The following AREL1 variants were observed in gnomAD, a reference collection of about 807,000 sequenced individuals.
AREL1 encodes the protein apoptosis resistant E3 ubiquitin protein ligase 1.
A neutral mutation model predicts 99.0 loss-of-function variants in AREL1; 62 were observed. The observed-to-expected ratio is 0.63, with a 90% confidence interval of 0.51 to 0.77. AREL1 has a LOEUF of 0.77. Among genes scored for constraint, AREL1 ranks in the 30% least tolerant of loss-of-function variants. AREL1 has a pLI of 0.00. For synonymous variants in AREL1, 380 were observed against 376.5 expected (o/e 1.01, Z -0.11); for missense variants, 879 against 1,027.6 (o/e 0.86, Z 1.98).
chr14:74,700,209 T>G (rs548467990), intron 1 of AREL1, among the ~76,000 whole-genome samples: 107 of 152,390 alleles, frequency 7.0e-4, no homozygotes, highest in Non-Finnish European at 1.3e-3. Flanking sequence ...TATAAAGTGC[T>G]ACATCTATAT....
In AREL1 at chr14:74,676,660, G is replaced by C. The variant is rs910393595; in HGVS notation, c.574C>G (p.Arg192Gly). The C allele has an allele frequency of 1.2e-6, 2 of 1,614,076 alleles. No individual in the cohort carries two copies. The highest frequency in any genetic ancestry group is 1.7e-6 in the Non-Finnish European group (2 of 1,179,984). The change falls in exon 6 of 20, where the codon CGA becomes GGA. Residue 192 changes from arginine (R) to glycine (G), a missense_variant. Transcript: ENST00000356357. ...GQPHTLQIVPRDEYDNPTNNS... is the reference protein window; with the variant it reads ...GQPHTLQIVPGDEYDNPTNNS... The stretch of plus-strand genomic sequence containing the variant: ...TTGGTGGGATTATCATACTCATCTC[G>C]GGGTACTATTTGAAGGGTGTGCGGC...
At chr14:74,691,044 C>T (rs1286815105) in intron 2 of AREL1, 4 of 151,886 alleles carry the variant, frequency 2.6e-5, no homozygotes, top group African/African-American at 9.7e-5. Flanking sequence ...CCTAGCAGGG[C>T]ATGGCGGCTC....
Position 74,676,494 on chromosome 14 carries a change from AAGAG to A in AREL1, c.651+85_651+88del, listed in dbSNP as rs932640389. 1.8e-5 allele frequency: 26 copies of A among 1,477,616 alleles called. No individual in the cohort carries two copies. The East Asian group carries it at 5.7e-4, about 32-fold the overall frequency. 91.5% of individuals were successfully genotyped at this position (1,477,616 alleles called of 1,614,324 possible). The stretch of plus-strand genomic sequence containing the variant: ...ACAGCACAGAAGTCAAGGAGAAGGA[AAGAG>A]AGATCGAAGTGAATTAGGTGTGAGA... On this transcript the variant is annotated intron_variant, in intron 6 of 19. Coordinates refer to ENST00000356357, the MANE Select transcript of AREL1 (RefSeq NM_001039479.2).
chr14:74,671,268 GA>G (rs201169650), intron 12 of AREL1, 139 bp downstream of exon 12: 33 of 491,362 alleles, frequency 6.7e-5, no homozygotes, highest in Non-Finnish European at 9.3e-5. Flanking sequence ...TTTCCTTGGG[GA>G]AAAAAAAACC....
chr14:74,688,635 T>A (rs1298819191), intron 2 of AREL1, among the ~76,000 whole-genome samples: 1 of 152,120 alleles, frequency 6.6e-6, no homozygotes, highest in African/African-American at 2.4e-5. Flanking sequence ...GTTAGTTCTA[T>A]CAATTCATCA....
chr14:74,703,591 G>A (rs1317067975), intron 1 of AREL1, among the ~76,000 whole-genome samples: 1 of 152,226 alleles, frequency 6.6e-6, no homozygotes, highest in Non-Finnish European at 1.5e-5. Flanking sequence ...CACGCAAAAT[G>A]TAGTCCTTCG....
chr14:74,710,928 T>C (rs557520513), intron 1 of AREL1, among the ~76,000 whole-genome samples: 8 of 152,316 alleles, frequency 5.3e-5, no homozygotes, highest in South Asian at 2.1e-4. Flanking sequence ...AGTGCAACTA[T>C]GTTAAAATAA....
intron 1 of AREL1, among the ~76,000 whole-genome samples, chr14:74,703,928 G>A (rs573168728): frequency 4.6e-4 from 70 of 152,240 alleles, no homozygotes; most frequent in Non-Finnish European, 5.7e-4. Flanking sequence ...TTACCAAAGC[G>A]GCTGGACCAC....
At chr14:74,670,995 T>A (rs2089324390) in intron 12 of AREL1, 124 bp from the exon 13 acceptor site, 1 of 718,318 alleles carries the variant, frequency 1.4e-6, no homozygotes, top group African/African-American at 1.8e-5. Context: ...GTTTCTCCGT[T>A]GCGACTCATC....
intron 8 of AREL1, among the ~76,000 whole-genome samples, chr14:74,675,452 G>A (rs1386239064): frequency 6.6e-6 from 1 of 152,126 alleles, no homozygotes; most frequent in Non-Finnish European, 1.5e-5. Flanking sequence ...GCCTAATAGT[G>A]ACATCCATTT....
chr14:74,669,030 G>A (rs945662238), intron 15 of AREL1, among the ~76,000 whole-genome samples: 1 of 151,820 alleles, frequency 6.6e-6, no homozygotes, highest in African/African-American at 2.4e-5. Flanking sequence ...CCAGTAGCTA[G>A]GACCACAGGC....
chr14:74,711,377 A>G (rs963310572), intron 1 of AREL1, among the ~76,000 whole-genome samples: 3 of 151,392 alleles, frequency 2.0e-5, no homozygotes, highest in Non-Finnish European at 4.4e-5. Flanking sequence ...CATCTCTATT[A>G]AAAATACAAA....
intron 9 of AREL1, 92 bp from the exon 10 acceptor site, chr14:74,673,310 A>G (rs2089399063): frequency 2.3e-6 from 3 of 1,316,996 alleles, no homozygotes; most frequent in East Asian, 2.3e-5. Flanking sequence ...ACCAACAACA[A>G]TAAGTTAGGC....
chr14:74,703,712 T>C lies in AREL1; in HGVS notation c.-334+9221A>G, dbSNP rs115494409. ...AGAGTAGTACTCCATTAAATGGACA[T>C]ACTGCAATCTGTTTATCCATTCACC... is the stretch of plus-strand genomic sequence containing the variant. On this transcript the variant is annotated intron_variant, in intron 1 of 19. Coordinates refer to ENST00000356357, the MANE Select transcript of AREL1 (RefSeq NM_001039479.2). Among the ~76,000 whole-genome samples the C allele has an allele frequency of 8.2e-3, 1,246 of 152,362 alleles. 12 individuals are homozygous for C. Among genetic ancestry groups the C allele is most frequent in the African/African-American group, 0.028 (1,170 of 41,580 alleles).
At chr14:74,668,108 T>A (rs561173110) in intron 15 of AREL1, among the ~76,000 whole-genome samples, 1 of 152,360 alleles carries the variant, frequency 6.6e-6, no homozygotes, top group Admixed American at 6.5e-5. Context: ...ATCTCAGCCC[T>A]GATGCTAGCT....
rs1182402059 is a variant in AREL1 at position 74,661,271 on chromosome 14, A to ATT, written c.*2447_*2448dup. ...CACTCCTTAGTTCTTTTAAACATTT[A>ATT]TTTATCTACTGTACAAAATATTTAC... On this transcript the variant is annotated 3_prime_UTR_variant, in exon 20 of 20. Coordinates refer to ENST00000356357, the MANE Select transcript of AREL1 (RefSeq NM_001039479.2). 2 of 455,978 alleles carry ATT rather than the reference A, an allele frequency of 4.4e-6. No homozygotes were observed. Among genetic ancestry groups the ATT allele is most frequent in the Non-Finnish European group, 8.8e-6 (2 of 226,624 alleles). The allele number at this position is 455,978 out of a possible 1,614,324, so 28.2% of individuals were successfully genotyped here. A position where few individuals can be genotyped will look rare whatever the true frequency, so the allele number is the denominator to read the frequency against.
chr14:74,674,691 A>G (rs1256617187), intron 8 of AREL1, among the ~76,000 whole-genome samples: 1 of 152,240 alleles, frequency 6.6e-6, no homozygotes, highest in Non-Finnish European at 1.5e-5. Flanking sequence ...CTTTCTAAAT[A>G]TCTGGGATCA....
intron 5 of AREL1, 99 bp downstream of exon 5, chr14:74,683,197 T>C: frequency 1.2e-6 from 1 of 825,468 alleles, no homozygotes; most frequent in South Asian, 1.8e-5. Flanking sequence ...GCATGGGAAT[T>C]AAATCTCAAT....
At chr14:74,702,806 C>G (rs1252401233) in intron 1 of AREL1, among the ~76,000 whole-genome samples, 1 of 152,146 alleles carries the variant, frequency 6.6e-6, no homozygotes, top group Non-Finnish European at 1.5e-5. Context: ...TTCAAAGTTC[C>G]ACAGATTTCT....
Sources: gnomAD v4.1 joint callset for allele counts (sites outside exome capture counted in the v4.1 genomes callset) on GRCh38, gnomAD v4.1.1 for gene constraint, MANE v1.5 for transcripts, NCBI Gene and HGNC (gene_info 2026-07-23, HGNC 2026-07-21) for gene names.